The following PPM1J variants were observed in gnomAD, a reference collection of about 807,000 sequenced individuals.
The protein encoded by PPM1J is protein phosphatase 1J.
PPM1J carries 43 observed loss-of-function variants against 53.3 expected under a neutral mutation model. That is an observed-to-expected ratio of 0.81 (90% CI 0.63 to 1.04). The LOEUF (loss-of-function observed/expected upper bound fraction) is 1.04. Ranked by LOEUF, PPM1J falls within the 50% of genes least tolerant of loss-of-function variation. The pLI is 0.00. For missense variants in PPM1J, 635 were observed against 685.9 expected, an observed-to-expected ratio of 0.93 and a Z score of 0.83; for synonymous variants, 267 against 286.4, an observed-to-expected ratio of 0.93 and a Z score of 0.68.
In PPM1J at chr1:112,710,262, G is replaced by A; in HGVS notation, c.1419C>T (p.Pro473=). 3.7e-6 allele frequency: 6 copies of A among 1,602,824 alleles called. No individual in the cohort carries two copies. In the Middle Eastern group the frequency reaches 6.7e-4, roughly 179 times the overall value. ...TGGGGAGACGCCAGCCACGGTCTCG[G>A]GGGGTACCCCGGGCCCCCAGGACCA... ...QALVLGARGT[P]RDRGWRLPNN... The change falls in exon 10 of 10, where the codon CCC becomes CCT. Residue 473 remains proline (P), a synonymous_variant. Coordinates refer to ENST00000309276, the MANE Select transcript of PPM1J (RefSeq NM_005167.7).
At chr1:112,710,351 TG>T (rs1553190384) in intron 9 of PPM1J, 41 bp from the exon 10 acceptor site, 9 of 1,612,950 alleles carry the variant, frequency 5.6e-6, no homozygotes, top group Non-Finnish European at 7.6e-6. Context: ...CCAACATGTA[TG>T]TGGGAAGACA....
intron 5 of PPM1J, among the ~76,000 whole-genome samples, 157 bp downstream of exon 5, chr1:112,711,814 C>CCGGCT (rs1238853798): frequency 6.6e-6 from 1 of 152,188 alleles, no homozygotes; most frequent in Non-Finnish European, 1.5e-5. Flanking sequence ...CAACCTCCCA[C>CCGGCT]CGGCTCAGCC....
Position 112,715,306 on chromosome 1 carries a change from C to A in PPM1J, c.-5G>T. 1.6e-6 allele frequency: 2 copies of A among 1,247,032 alleles called. No individual in the cohort carries two copies. Among genetic ancestry groups the A allele is most frequent in the South Asian group, 3.3e-5 (1 of 30,166 alleles). 77.2% of individuals were successfully genotyped at this position (1,247,032 alleles called of 1,614,324 possible). A position where few individuals can be genotyped will look rare whatever the true frequency, so the allele number is the denominator to read the frequency against. ...CGAGCGCACCCGGTTTAGCATGCTGCCTCCCTGCCCCGCCCTCGGCCGCGG... is the reference window on the plus strand; with the variant it reads ...CGAGCGCACCCGGTTTAGCATGCTGACTCCCTGCCCCGCCCTCGGCCGCGG... On this transcript the variant is annotated 5_prime_UTR_variant, in exon 1 of 10. Transcript: ENST00000309276. This position sits in a 1 kb window ranked among gnomAD's most constrained non-coding sequence, Gnocchi z 4.4.
At chr1:112,712,299 G>T in intron 4 of PPM1J, 46 bp downstream of exon 4, 1 of 1,420,988 alleles carries the variant, frequency 7.0e-7, no homozygotes, top group Non-Finnish European at 9.7e-7. Flanking sequence ...CCCCAACTCA[G>T]AGAGTGTGGC....
Position 112,712,403 on chromosome 1 carries a change from C to CA in PPM1J, c.783dup (p.Ala262CysfsTer19). ...CCTAGCAGGTAGATCACAACCAGTG[C>CA]ACAGCAGCCCCCCTCCACTTGGTGG... On this transcript the variant is annotated frameshift_variant, in exon 4 of 10. Transcript: ENST00000309276. LOFTEE classifies it high-confidence loss of function. 6.2e-7 allele frequency: 1 copy of CA among 1,614,068 alleles called. No individual in the cohort carries two copies. The highest frequency in any genetic ancestry group is 8.5e-7 in the Non-Finnish European group (1 of 1,179,990).
In PPM1J at chr1:112,712,034, A is replaced by G; in HGVS notation, c.864T>C (p.Gly288=). The G allele has an allele frequency of 1.2e-6, 2 of 1,609,844 alleles. No individual in the cohort carries two copies. The highest frequency in any genetic ancestry group is 1.7e-6 in the Non-Finnish European group (2 of 1,177,092). The part of the protein sequence containing the change: ...GDSRAIIVRN[G]EIIPMSREFT... ...ACTCCCGGGACATTGGAATGATTTC[A>G]CCATTCCGGACAATGATGGCCCTGC... Residue 288 remains glycine (G), a synonymous_variant, in exon 5 of 10, where the codon GGT becomes GGC. Coordinates refer to ENST00000309276, the MANE Select transcript of PPM1J (RefSeq NM_005167.7).
At position 112,710,328 on chromosome 1, in the gene PPM1J, G is replaced by A. The variant is rs1675027944; in HGVS notation, c.1371-18C>T. ...CTGTATACCTGCCAGGAGCACACATGCACATTCATGTACCAACATGTATGT... is the reference window on the plus strand; with the variant it reads ...CTGTATACCTGCCAGGAGCACACATACACATTCATGTACCAACATGTATGT... On this transcript the variant is annotated intron_variant, in intron 9 of 9. Transcript: ENST00000309276. 4.3e-6 allele frequency: 7 copies of A among 1,612,954 alleles called. No individual in the cohort carries two copies. The African/African-American group carries it at 9.4e-5, about 22-fold the overall frequency.
intron 3 of PPM1J, 23 bp from the exon 4 acceptor site, chr1:112,712,480 A>G: frequency 6.2e-7 from 1 of 1,600,996 alleles, no homozygotes; most frequent in East Asian, 2.2e-5. Flanking sequence ...GAAGGGTCAG[A>G]GGTGGGTAGA....
intron 2 of PPM1J, 33 bp from the exon 3 acceptor site, chr1:112,713,064 TTGTG>T (rs36095892): frequency 0.02 from 20,211 of 1,028,466 alleles, 44 homozygotes; most frequent in Non-Finnish European, 0.022. Context: ...TGAGTTTTGT[TTGTG>T]TGTGTGTGTG....
chr1:112,713,360 C>G (rs549130939), intron 2 of PPM1J, 137 bp downstream of exon 2: 4 of 651,700 alleles, frequency 6.1e-6, no homozygotes, highest in African/African-American at 1.8e-5. Context: ...TGATGAATAC[C>G]AGGTAAAGGT....
chr1:112,715,199 G>A lies in PPM1J; in HGVS notation c.103C>T (p.Pro35Ser), dbSNP rs974000209. ...GGCGCTTCTGGAGCGGCGGCGGGCGGCGCCGAGGCGGCGTTGGGCAGGTCC... is the reference window on the plus strand; with the variant it reads ...GGCGCTTCTGGAGCGGCGGCGGGCGACGCCGAGGCGGCGTTGGGCAGGTCC... ...SPDLPNAASA[P>S]PAAAPEAPRS... is the part of the protein sequence containing the mutation. The change falls in exon 1 of 10, where the codon CCG becomes TCG. Residue 35 changes from proline (P) to serine (S), a missense_variant. Physicochemically the swap from Pro to Ser is moderately conservative, Grantham distance 74 (BLOSUM62 -1). Transcript: ENST00000309276. This position sits in a 1 kb window ranked among gnomAD's most constrained non-coding sequence, Gnocchi z 4.4. 1.0e-5 allele frequency: 15 copies of A among 1,460,262 alleles called. No homozygotes were observed. Among genetic ancestry groups the A allele is most frequent in the Middle Eastern group, 2.2e-4 (1 of 4,534 alleles). 90.5% of individuals were successfully genotyped at this position (1,460,262 alleles called of 1,614,324 possible).
At chr1:112,711,113 AG>A in intron 6 of PPM1J, 42 bp from the exon 7 acceptor site, 1 of 1,584,846 alleles carries the variant, frequency 6.3e-7, no homozygotes. Flanking sequence ...CAGGCATCAA[AG>A]CCCCTCTCCC....
Position 112,712,382 on chromosome 1 carries a change from G to A in PPM1J, c.805C>T (p.Leu269=), listed in dbSNP as rs770337211. 1.9e-6 allele frequency: 3 copies of A among 1,613,908 alleles called. No homozygotes were observed. The change falls in exon 4 of 10, where the codon CTA becomes TTA. Residue 269 remains leucine, a synonymous_variant. Coordinates refer to ENST00000309276, the MANE Select transcript of PPM1J (RefSeq NM_005167.7). ...GCCALVVIYL[L]GKVYVANAGD... ...GCATTGGCCACGTACACCTTGCCTAGCAGGTAGATCACAACCAGTGCACAG... is the reference window on the plus strand; with the variant it reads ...GCATTGGCCACGTACACCTTGCCTAACAGGTAGATCACAACCAGTGCACAG...
chr1:112,712,943 AT>A lies in PPM1J; in HGVS notation c.529del (p.Ile177SerfsTer5). 1 of 1,613,910 alleles carries A rather than the reference AT, an allele frequency of 6.2e-7. No homozygotes were observed. The highest frequency in any genetic ancestry group is 8.5e-7 in the Non-Finnish European group (1 of 1,179,996). ...EMASRLLHRH[I>X]REQLKDLVEI... The stretch of plus-strand genomic sequence containing the variant: ...TACCAGGTCCTTTAGCTGCTCTCGG[AT>A]ATGGCGATGCAGGAGCCGTGAGGCC... On this transcript the variant is annotated frameshift_variant, in exon 3 of 10. Transcript: ENST00000309276. LOFTEE classifies it high-confidence loss of function.
chr1:112,715,089 G>A lies in PPM1J; in HGVS notation c.213C>T (p.Thr71=). The part of the protein sequence containing the change: ...VEARASFSRP[T]FLQLSPGGLR... Reference sequence around the variant, plus strand: ...GCCCCCCGGGGCTCAGCTGCAGAAAGGTCGGTCTGGAGAAGCTCGCTCGAG... The same window carrying A: ...GCCCCCCGGGGCTCAGCTGCAGAAAAGTCGGTCTGGAGAAGCTCGCTCGAG... Residue 71 remains threonine (T), a synonymous_variant, in exon 1 of 10, where the codon ACC becomes ACT. Coordinates refer to ENST00000309276, the MANE Select transcript of PPM1J (RefSeq NM_005167.7). The surrounding 1 kb of genome is among the most constrained non-coding windows in gnomAD (Gnocchi z 4.4). 6.4e-7 allele frequency: 1 copy of A among 1,563,502 alleles called. No homozygotes were observed. Among genetic ancestry groups the A allele is most frequent in the South Asian group, 1.2e-5 (1 of 86,168 alleles).
At chr1:112,713,766 G>A (rs1675130015) in intron 1 of PPM1J, among the ~76,000 whole-genome samples, 155 bp from the exon 2 acceptor site, 1 of 152,094 alleles carries the variant, frequency 6.6e-6, no homozygotes, top group Non-Finnish European at 1.5e-5. Context: ...GAGAAGGGAG[G>A]GCTGGCAAGG....
In PPM1J at chr1:112,711,347, G is replaced by C. The variant is rs1484093130; in HGVS notation, c.965C>G (p.Thr322Ser). The C allele has an allele frequency of 1.9e-6, 3 of 1,606,002 alleles. No homozygotes were observed. The highest frequency in any genetic ancestry group is 1.7e-5 in the Admixed American group (1 of 58,538). ...LKPELLGSEF[T>S]HLEFPRRVLP... The stretch of plus-strand genomic sequence containing the variant: ...AACTCTGCGGGGGAACTCAAGGTGG[G>C]TGAATTCACTGCCTAGCAGCTCTGG... Residue 322 changes from threonine to serine, a missense_variant, in exon 6 of 10, where the codon ACC becomes AGC. Thr to Ser is a moderately conservative substitution (Grantham distance 58). Transcript: ENST00000309276.
Position 112,710,518 on chromosome 1 carries a change from C to G in PPM1J, c.1312G>C (p.Glu438Gln), listed in dbSNP as rs1241619796. ...ACCCTGTCCACAGTGGCAGCTACCTCACAGTCAGTAGTGACATCCCACAGG... is the reference window on the plus strand; with the variant it reads ...ACCCTGTCCACAGTGGCAGCTACCTGACAGTCAGTAGTGACATCCCACAGG... The part of the protein sequence containing the change: ...DGLWDVTTDC[E>Q]VAATVDRVLS... Residue 438 changes from glutamate (E) to glutamine (Q), a missense_variant, in exon 9 of 10, where the codon GAG becomes CAG. Physicochemically the swap from Glu to Gln is conservative, Grantham distance 29. Transcript: ENST00000309276. 1 of 1,614,208 alleles carries G rather than the reference C, an allele frequency of 6.2e-7. No individual in the cohort carries two copies. Among genetic ancestry groups the G allele is most frequent in the South Asian group, 1.1e-5 (1 of 91,088 alleles).
intron 1 of PPM1J, 24 bp from the exon 2 acceptor site, chr1:112,713,635 C>G (rs779028788): frequency 6.4e-7 from 1 of 1,569,536 alleles, no homozygotes; most frequent in Non-Finnish European, 8.8e-7. Flanking sequence ...ATGACCACAT[C>G]AGGTTGGACA....
Sources: gnomAD v4.1 joint callset for allele counts (sites outside exome capture counted in the v4.1 genomes callset) on GRCh38, gnomAD v4.1.1 for gene constraint, Gnocchi (gnomAD v3.1) non-coding constraint, MANE v1.5 for transcripts, NCBI Gene and HGNC (gene_info 2026-07-23, HGNC 2026-07-21) for gene names.